IFT56: variants seen among roughly 807,000 people sequenced by gnomAD.
IFT56 encodes intraflagellar transport 56, also known as intraflagellar transport protein 56.
chr7:139,166,993 C>G, the IFT56 span: 10 of 712,818 alleles, frequency 1.4e-5, no homozygotes, highest in Non-Finnish European at 2.2e-5. Flanking sequence ...ATTAGGCAGA[C>G]TCCTGCCTGT....
At chr7:139,146,374 G>T in the IFT56 span, among the ~76,000 whole-genome samples, 1 of 152,074 alleles carries the variant, frequency 6.6e-6, no homozygotes, top group Non-Finnish European at 1.5e-5. Flanking sequence ...AAGAAAGGAT[G>T]AAAAAATGTA....
the IFT56 span, among the ~76,000 whole-genome samples, chr7:139,158,781 G>A: frequency 6.6e-6 from 1 of 152,020 alleles, no homozygotes; most frequent in Non-Finnish European, 1.5e-5. Context: ...TGGTGTGGTG[G>A]CGTGTAGTTG....
chr7:139,156,436 C>T, the IFT56 span, among the ~76,000 whole-genome samples: 6 of 148,296 alleles, frequency 4.0e-5, no homozygotes, highest in Non-Finnish European at 9.0e-5. Flanking sequence ...TTCTTATTTT[C>T]TTTTTTAAAT....
At chr7:139,157,971 T>C in the IFT56 span, among the ~76,000 whole-genome samples, 1 of 152,018 alleles carries the variant, frequency 6.6e-6, no homozygotes, top group East Asian at 1.9e-4. Flanking sequence ...GTGGGGGGTG[T>C]GGTGGTGGGT....
chr7:139,162,418 G>A, the IFT56 span, among the ~76,000 whole-genome samples: 30 of 152,114 alleles, frequency 2.0e-4, no homozygotes, highest in African/African-American at 5.8e-4. Context: ...GGATTAGAAA[G>A]AGAAGTAACA....
At chr7:139,184,431 G>GA in the IFT56 span, among the ~76,000 whole-genome samples, 13 of 152,042 alleles carry the variant, frequency 8.6e-5, no homozygotes, top group Non-Finnish European at 1.9e-4. Context: ...TATACTGAAG[G>GA]AAAAAAGCCA....
the IFT56 span, among the ~76,000 whole-genome samples, chr7:139,137,634 C>T: frequency 6.6e-6 from 1 of 152,184 alleles, no homozygotes; most frequent in Non-Finnish European, 1.5e-5. Context: ...TCAGTAAATA[C>T]AGAAAGCCAA....
At chr7:139,170,725 G>A in the IFT56 span, among the ~76,000 whole-genome samples, 1 of 152,156 alleles carries the variant, frequency 6.6e-6, no homozygotes, top group Admixed American at 6.5e-5. Context: ...ATCCATATAT[G>A]ACAGGCCCAC....
At chr7:139,150,576 A>G in the IFT56 span, among the ~76,000 whole-genome samples, 1 of 152,194 alleles carries the variant, frequency 6.6e-6, no homozygotes, top group Non-Finnish European at 1.5e-5. Flanking sequence ...GTACTCCAGC[A>G]GTAGAAGGCT....
the IFT56 span, chr7:139,161,112 G>A: frequency 4.0e-4 from 479 of 1,185,898 alleles, 9 homozygotes; most frequent in South Asian, 6.0e-3. Flanking sequence ...AAGGAGATGC[G>A]CCAGCAAGTA....
the IFT56 span, among the ~76,000 whole-genome samples, chr7:139,136,985 A>G: frequency 4.7e-4 from 71 of 152,368 alleles, 1 homozygote; most frequent in Admixed American, 2.5e-3. Context: ...CTAATGTTGT[A>G]GAGTTAGCTA....
chr7:139,166,808 C>G, the IFT56 span: 1 of 1,333,926 alleles, frequency 7.5e-7, no homozygotes, highest in Non-Finnish European at 1.1e-6. Flanking sequence ...TTCTGGAATA[C>G]AGACTAGTAT....
chr7:139,149,580 C>T, the IFT56 span, among the ~76,000 whole-genome samples: 1 of 152,106 alleles, frequency 6.6e-6, no homozygotes, highest in African/African-American at 2.4e-5. Flanking sequence ...GCAACATTCT[C>T]ACTCCTGGAA....
chr7:139,189,500 T>C, the IFT56 span: 8 of 1,118,636 alleles, frequency 7.2e-6, no homozygotes, highest in South Asian at 1.0e-4. Flanking sequence ...TTCACTCCAG[T>C]TTAATCTGTG....
chr7:139,173,455 C>CTGA, the IFT56 span: 1 of 610,320 alleles, frequency 1.6e-6, no homozygotes. Flanking sequence ...TCTCCAACTC[C>CTGA]TGACCTCAGG....
chr7:139,177,611 A>AGTTGTGTGTGT, the IFT56 span, among the ~76,000 whole-genome samples: 982 of 148,584 alleles, frequency 6.6e-3, 14 homozygotes, highest in African/African-American at 0.024. Context: ...ATATATATAT[A>AGTTGTGTGTGT]GTGTGTGTGT....
At chr7:139,179,415 A>G in the IFT56 span, among the ~76,000 whole-genome samples, 1 of 152,236 alleles carries the variant, frequency 6.6e-6, no homozygotes, top group Non-Finnish European at 1.5e-5. Context: ...GAAATACTTT[A>G]AATCACCACA....
the IFT56 span, among the ~76,000 whole-genome samples, chr7:139,135,220 A>G: frequency 2.1e-5 from 3 of 142,238 alleles, no homozygotes; most frequent in African/African-American, 7.9e-5. Context: ...CGGAGGTTGC[A>G]GTGAGCCAAG....
At chr7:139,167,385 G>A in the IFT56 span, among the ~76,000 whole-genome samples, 1 of 152,220 alleles carries the variant, frequency 6.6e-6, no homozygotes, top group South Asian at 2.1e-4. Flanking sequence ...CAGACCCCAT[G>A]GAGTTTAAAC....
Sources: gnomAD v4.1 joint callset for allele counts (sites outside exome capture counted in the v4.1 genomes callset) on GRCh38, gnomAD v4.1.1 for gene constraint, MANE v1.5 for transcripts, NCBI Gene and HGNC (gene_info 2026-07-23, HGNC 2026-07-21) for gene names.